The following CLEC16A variants were observed in gnomAD, a reference collection of about 807,000 sequenced individuals.
The protein encoded by CLEC16A is protein CLEC16A.
Under a neutral mutation model 109.5 loss-of-function variants are expected in CLEC16A, and 51 were observed. The ratio of observed to expected loss-of-function variants is 0.47; its 90% CI spans 0.37 to 0.59. CLEC16A has a LOEUF of 0.59. CLEC16A is among the 20% of genes least tolerant of loss of function. CLEC16A has a pLI of 0.00. For synonymous variants in CLEC16A, 673 were observed against 564.2 expected (o/e 1.19, Z -2.73); for missense variants, 1,339 against 1,394.0 (o/e 0.96, Z 0.63).
At chr16:11,088,295 A>G (rs2050120136) in intron 19 of CLEC16A, among the ~76,000 whole-genome samples, 1 of 152,230 alleles carries the variant, frequency 6.6e-6, no homozygotes, top group African/African-American at 2.4e-5. Context: ...CAGCCCAAGC[A>G]TCCACAGCTA....
chr16:10,984,177 A>G (rs994101401), intron 10 of CLEC16A, among the ~76,000 whole-genome samples: 1 of 152,128 alleles, frequency 6.6e-6, no homozygotes, highest in African/African-American at 2.4e-5. Flanking sequence ...GACCCTGTGG[A>G]TGAAAGGCCA....
At chr16:11,069,813 A>G (rs1000638379) in intron 19 of CLEC16A, among the ~76,000 whole-genome samples, 6 of 151,052 alleles carry the variant, frequency 4.0e-5, no homozygotes, top group African/African-American at 9.7e-5. Flanking sequence ...AAAACAGTAC[A>G]GCATAACAAC....
At chr16:11,058,499 G>A in intron 18 of CLEC16A, among the ~76,000 whole-genome samples, 1 of 151,388 alleles carries the variant, frequency 6.6e-6, no homozygotes, top group South Asian at 2.1e-4. Context: ...AAAAAAGTCT[G>A]TACAAGTTGA....
chr16:10,989,854 C>A (rs1409152907), intron 10 of CLEC16A, among the ~76,000 whole-genome samples: 2 of 152,206 alleles, frequency 1.3e-5, no homozygotes, highest in Admixed American at 1.3e-4. Flanking sequence ...GTTGACTTAG[C>A]TCCCCTGGTC....
intron 22 of CLEC16A, chr16:11,136,139 C>G (rs766846375): frequency 6.6e-6 from 1 of 152,250 alleles, no homozygotes; most frequent in South Asian, 2.1e-4. Flanking sequence ...AGTATGGGCC[C>G]AAGTCCCAGC....
At chr16:11,061,833 G>T (rs1176620617) in intron 19 of CLEC16A, among the ~76,000 whole-genome samples, 1 of 152,166 alleles carries the variant, frequency 6.6e-6, no homozygotes, top group African/African-American at 2.4e-5. Flanking sequence ...CTGGATCCGG[G>T]TGCTCAGACA....
chr16:11,063,540 G>C (rs1483070282), intron 19 of CLEC16A, among the ~76,000 whole-genome samples: 2 of 152,088 alleles, frequency 1.3e-5, no homozygotes, highest in Non-Finnish European at 2.9e-5. Context: ...ACTCCATGTG[G>C]TCTGCTAGGC....
At position 11,174,416 on chromosome 16, in the gene CLEC16A, A is replaced by G. The variant is rs2068659931; in HGVS notation, c.2807-3919A>G. On this transcript the variant is annotated intron_variant, in intron 23 of 23. Transcript: ENST00000409790. This position sits in a 1 kb window ranked among gnomAD's most constrained non-coding sequence, Gnocchi z 4.7. ...CCATTTGCCAAGGCGGCACTTCCCC[A>G]TTTTCCCCCAAAGTTGGTTCTCCCT... The G allele has an allele frequency of 2.8e-6, 1 of 351,128 alleles. No homozygotes were observed. The highest frequency in any genetic ancestry group is 5.7e-6 in the Non-Finnish European group (1 of 174,190). The allele number at this position is 351,128 out of a possible 1,614,324, so 21.8% of individuals were successfully genotyped here.
chr16:11,109,385 C>T (rs1209757783), intron 19 of CLEC16A, among the ~76,000 whole-genome samples: 1 of 152,130 alleles, frequency 6.6e-6, no homozygotes, highest in Non-Finnish European at 1.5e-5. Context: ...AGCTCCTGGG[C>T]TCAAGTAATC....
chr16:11,084,760 C>T (rs979771419), intron 19 of CLEC16A, among the ~76,000 whole-genome samples: 54 of 152,298 alleles, frequency 3.5e-4, no homozygotes, highest in Middle Eastern at 3.4e-3. Context: ...GTAAATCATT[C>T]GCGTTCCACC....
At chr16:10,951,472 T>C (rs975057295) in intron 1 of CLEC16A, among the ~76,000 whole-genome samples, 2 of 152,148 alleles carry the variant, frequency 1.3e-5, no homozygotes, top group African/African-American at 4.8e-5. Flanking sequence ...CTTCATTGTT[T>C]GCATTTCTGT....
At chr16:11,105,912 T>C (rs1372268487) in intron 19 of CLEC16A, among the ~76,000 whole-genome samples, 2 of 152,208 alleles carry the variant, frequency 1.3e-5, no homozygotes, top group East Asian at 3.8e-4. Context: ...CTGGGAGACA[T>C]GAAGATTCTG....
rs1397687159 is a variant in CLEC16A, at chr16:11,178,423, C to A, written c.2895C>A (p.Ser965Arg). 1 of 1,613,636 alleles carries A rather than the reference C, an allele frequency of 6.2e-7. No homozygotes were observed. Among genetic ancestry groups the A allele is most frequent in the East Asian group, 2.2e-5 (1 of 44,902 alleles). The change falls in exon 24 of 24, where the codon AGC becomes AGA. Residue 965 changes from serine to arginine, a missense_variant. Physicochemically the swap from Ser to Arg is moderately radical, Grantham distance 110 (BLOSUM62 -1). Transcript: ENST00000409790. The surrounding 1 kb of genome is among the most constrained non-coding windows in gnomAD (Gnocchi z 6.5). ...AAACGGAAGCAGACTCTAAGCCCAG[C>A]AAGAACGTGGCCAGGAGCGCAGCCG... ...VNETEADSKP[S>R]KNVARSAAVE... is the part of the protein sequence containing the mutation.
chr16:11,165,155 G>T (rs2068203097), intron 22 of CLEC16A, among the ~76,000 whole-genome samples: 1 of 152,124 alleles, frequency 6.6e-6, no homozygotes, highest in Non-Finnish European at 1.5e-5. Flanking sequence ...CACCAGAAGA[G>T]GGGCTCCTGG....
intron 22 of CLEC16A, among the ~76,000 whole-genome samples, chr16:11,157,980 G>T (rs1179541614): frequency 6.6e-6 from 1 of 152,134 alleles, no homozygotes; most frequent in Admixed American, 6.5e-5. Flanking sequence ...GATCTTTCTA[G>T]TAAGCCGCAA....
chr16:11,137,243 A>G (rs2053611786), intron 22 of CLEC16A, among the ~76,000 whole-genome samples: 1 of 152,204 alleles, frequency 6.6e-6, no homozygotes, highest in South Asian at 2.1e-4. Flanking sequence ...GTTCTCATTA[A>G]CAGACAAGTG....
chr16:11,010,143 C>A (rs985739627), intron 11 of CLEC16A, among the ~76,000 whole-genome samples: 16 of 122,194 alleles, frequency 1.3e-4, no homozygotes, highest in African/African-American at 5.9e-4. Context: ...CAGAGTGAGA[C>A]CTTGTTTCTT....
Position 11,114,740 on chromosome 16 carries a change from C to T in CLEC16A, c.2117-5875C>T, listed in dbSNP as rs578077693. Among the ~76,000 whole-genome samples, 4 of 152,248 alleles carry T rather than the reference C, an allele frequency of 2.6e-5. No homozygotes were observed. The South Asian group carries it at 6.2e-4, about 24-fold the overall frequency. ...AGCAGCCGAGGACTGGGGCAGGGTA[C>T]AGGAGTTCCCTAAAATGATACTGGC... On this transcript the variant is annotated intron_variant, in intron 19 of 23. Coordinates refer to ENST00000409790, the MANE Select transcript of CLEC16A (RefSeq NM_015226.3).
intron 11 of CLEC16A, among the ~76,000 whole-genome samples, chr16:11,017,933 A>C (rs2045856561): frequency 1.3e-5 from 2 of 152,066 alleles, no homozygotes; most frequent in South Asian, 4.2e-4. Flanking sequence ...GACATTGGGA[A>C]AAACTAATGA....
Sources: allele counts gnomAD v4.1 joint callset (sites outside exome capture counted in the v4.1 genomes callset), GRCh38; gene constraint gnomAD v4.1.1; non-coding constraint Gnocchi (gnomAD v3.1); transcripts MANE v1.5; gene names NCBI Gene and HGNC (gene_info 2026-07-23, HGNC 2026-07-21).